The following NAA25 variants were observed in gnomAD, a reference collection of about 807,000 sequenced individuals.
NAA25 encodes N-terminal acetyltransferase B complex subunit NAA25.
A neutral mutation model predicts 132.5 loss-of-function variants in NAA25; 30 were observed. The ratio of observed to expected loss-of-function variants is 0.23; its 90% CI spans 0.17 to 0.31. NAA25 has a LOEUF of 0.31. Ranked by LOEUF, NAA25 falls within the 10% of genes least tolerant of loss-of-function variation. NAA25 has a pLI of 1.00. For synonymous variants in NAA25, 359 were observed against 401.9 expected, an observed-to-expected ratio of 0.89 and a Z score of 1.28; for missense variants, 771 against 1,150.4, an observed-to-expected ratio of 0.67 and a Z score of 4.77.
chr12:112,053,501 C>G, intron 15 of NAA25, 57 bp downstream of exon 15: 1 of 1,267,238 alleles, frequency 7.9e-7, no homozygotes, highest in South Asian at 1.3e-5. Context: ...TGACGTGCTC[C>G]TCAATAGTGT....
At chr12:112,106,239 G>A (rs1175524356) in intron 1 of NAA25, among the ~76,000 whole-genome samples, 1 of 152,146 alleles carries the variant, frequency 6.6e-6, no homozygotes, top group Non-Finnish European at 1.5e-5. Context: ...ATATCCTGAT[G>A]TTTAGTGATG....
intron 11 of NAA25, 116 bp downstream of exon 11, chr12:112,068,761 TATC>T (rs1317668080): frequency 1.7e-6 from 1 of 604,462 alleles, no homozygotes; most frequent in African/African-American, 1.8e-5. Context: ...ACAGGGCAGT[TATC>T]ATTGTATCTC....
At chr12:112,085,474 T>C (rs953814320) in intron 4 of NAA25, among the ~76,000 whole-genome samples, 17 of 152,118 alleles carry the variant, frequency 1.1e-4, no homozygotes, top group Non-Finnish European at 2.4e-4. Context: ...GAGAAGGTCA[T>C]TTTACAACCT....
At chr12:112,084,746 TCA>T (rs1490065209) in intron 4 of NAA25, among the ~76,000 whole-genome samples, 1 of 151,314 alleles carries the variant, frequency 6.6e-6, no homozygotes, top group Non-Finnish European at 1.5e-5. Flanking sequence ...TGAGCCAAGA[TCA>T]CACCACTGCA....
In NAA25 at chr12:112,050,237, G is replaced by A. The variant is rs547639375; in HGVS notation, c.1729-1794C>T. Among the ~76,000 whole-genome samples, 3 of 152,214 alleles carry A rather than the reference G, an allele frequency of 2.0e-5. No homozygotes were observed. The South Asian group carries it at 6.2e-4, about 32-fold the overall frequency. The stretch of plus-strand genomic sequence containing the variant: ...CAAGGGCCTGGGATGCAACCACTAG[G>A]ACCAAGGCTGTGGAAGTAGTACTAC... On this transcript the variant is annotated intron_variant, in intron 15 of 23. Transcript: ENST00000261745.
chr12:112,105,732 A>ACTGAAT (rs1280863631), intron 1 of NAA25, among the ~76,000 whole-genome samples: 1 of 152,260 alleles, frequency 6.6e-6, no homozygotes, highest in African/African-American at 2.4e-5. Flanking sequence ...CAGTGATGCT[A>ACTGAAT]CTGAATCTGA....
chr12:112,056,348 T>A (rs2078545745), intron 13 of NAA25, among the ~76,000 whole-genome samples: 1 of 151,084 alleles, frequency 6.6e-6, no homozygotes, highest in African/African-American at 2.4e-5. Context: ...AAAAATAAAA[T>A]TTAATAATAA....
chr12:112,057,859 T>TAGTCCC (rs1474027193), intron 13 of NAA25, among the ~76,000 whole-genome samples: 1 of 152,188 alleles, frequency 6.6e-6, no homozygotes, highest in Non-Finnish European at 1.5e-5. Flanking sequence ...TGGGCGCCTG[T>TAGTCCC]AGTCCCAGCT....
chr12:112,094,880 G>A (rs887349508), intron 1 of NAA25, among the ~76,000 whole-genome samples: 1 of 151,966 alleles, frequency 6.6e-6, no homozygotes, highest in Non-Finnish European at 1.5e-5. Flanking sequence ...GGCTAGTCTC[G>A]AACTCCTGAC....
At chr12:112,052,246 G>GT (rs1475818282) in intron 15 of NAA25, among the ~76,000 whole-genome samples, 1 of 152,130 alleles carries the variant, frequency 6.6e-6, no homozygotes, top group African/African-American at 2.4e-5. Context: ...TCCATGCTAG[G>GT]TTTTAGAAAC....
intron 4 of NAA25, among the ~76,000 whole-genome samples, chr12:112,085,179 A>T (rs1050959543): frequency 6.6e-6 from 1 of 151,994 alleles, no homozygotes; most frequent in Non-Finnish European, 1.5e-5. Flanking sequence ...GCAGTGAGCC[A>T]AGATCACACC....
intron 22 of NAA25, among the ~76,000 whole-genome samples, chr12:112,038,085 C>T (rs563191399): frequency 2.0e-5 from 3 of 152,268 alleles, no homozygotes; most frequent in African/African-American, 7.2e-5. Context: ...GCTATCTTGG[C>T]TCACTGCAAC....
At chr12:112,101,238 A>G (rs541148658) in intron 1 of NAA25, among the ~76,000 whole-genome samples, 2 of 152,252 alleles carry the variant, frequency 1.3e-5, no homozygotes, top group African/African-American at 4.8e-5. Context: ...TATTCCTTCA[A>G]ATCCCTTAAC....
chr12:112,101,799 A>G (rs1469803444), intron 1 of NAA25, among the ~76,000 whole-genome samples: 2 of 151,922 alleles, frequency 1.3e-5, no homozygotes, highest in South Asian at 4.1e-4. Flanking sequence ...AGTGATCACA[A>G]CAGGAAGTTC....
Position 112,090,855 on chromosome 12 carries a change from C to A in NAA25, c.154G>T (p.Ala52Ser). 7 of 1,596,304 alleles carry A rather than the reference C, an allele frequency of 4.4e-6. No individual in the cohort carries two copies. The highest frequency in any genetic ancestry group is 6.0e-6 in the Non-Finnish European group (7 of 1,175,242). Residue 52 changes from alanine (A) to serine (S), a missense_variant, in exon 3 of 24, where the codon GCA (alanine) becomes TCA (serine). Physicochemically the swap from Ala to Ser is moderately conservative, Grantham distance 99 (BLOSUM62 1). Around this residue, in one of 3 missense-constraint regions of NAA25, gnomAD observed 417 missense variants for 733.8 expected, o/e 0.57. Transcript: ENST00000261745. ...TTTCCAGTTCTCTGTAAACCAATTG[C>A]CTTTAAAACCTGATAGCAACAAAAG... ...KDLHCAKVLK[A>S]IGLQRTGKQE... is the part of the protein sequence containing the mutation.
chr12:112,039,083 G>A (rs2078266224), intron 22 of NAA25, 146 bp downstream of exon 22: 1 of 461,884 alleles, frequency 2.2e-6, no homozygotes, highest in Non-Finnish European at 3.9e-6. Context: ...ACGGGTTTGC[G>A]ACGCATTCAA....
intron 4 of NAA25, among the ~76,000 whole-genome samples, chr12:112,084,716 C>A (rs1045779523): frequency 6.6e-6 from 1 of 152,062 alleles, no homozygotes; most frequent in Non-Finnish European, 1.5e-5. Context: ...CCTCTTGAAC[C>A]TGGGAGGTGG....
chr12:112,042,954 A>T, intron 19 of NAA25, 134 bp downstream of exon 19: 1 of 761,310 alleles, frequency 1.3e-6, no homozygotes, highest in Non-Finnish European at 2.1e-6. Flanking sequence ...CTCATACACT[A>T]CACCACACAT....
At chr12:112,071,467 G>A (rs1435825383) in intron 10 of NAA25, among the ~76,000 whole-genome samples, 2 of 152,128 alleles carry the variant, frequency 1.3e-5, no homozygotes, top group African/African-American at 2.4e-5. Flanking sequence ...GAGTAGCTGG[G>A]ACTACAGATG....
Sources: gnomAD v4.1 joint callset for allele counts (sites outside exome capture counted in the v4.1 genomes callset) on GRCh38, gnomAD v4.1.1 for gene constraint, gnomAD v4.1.1 regional missense constraint, MANE v1.5 for transcripts, NCBI Gene and HGNC (gene_info 2026-07-23, HGNC 2026-07-21) for gene names.